SUFU: variants seen among roughly 807,000 people sequenced by gnomAD.
SUFU encodes suppressor of fused homolog.
A neutral mutation model predicts 58.9 loss-of-function variants in SUFU; 7 were observed. The observed-to-expected ratio is 0.12, with a 90% confidence interval of 0.07 to 0.22. SUFU has a LOEUF of 0.22. Among genes scored for constraint, SUFU ranks in the 10% least tolerant of loss-of-function variants. The pLI is 1.00. For missense variants in SUFU, 451 were observed against 641.3 expected (o/e 0.70, Z 3.20); for synonymous variants, 232 against 254.8 (o/e 0.91, Z 0.85).
intron 6 of SUFU, among the ~76,000 whole-genome samples, chr10:102,596,793 A>G (rs1457266132): frequency 6.6e-6 from 1 of 152,190 alleles, no homozygotes; most frequent in East Asian, 1.9e-4. Context: ...TCATGGCCAC[A>G]TCAGCCCCAC....
chr10:102,545,497 T>C (rs540374668), intron 2 of SUFU, among the ~76,000 whole-genome samples: 1 of 152,190 alleles, frequency 6.6e-6, no homozygotes, highest in Non-Finnish European at 1.5e-5. Context: ...GGTGACTCTG[T>C]TTAACTTTTT....
At chr10:102,509,096 A>G in intron 1 of SUFU, 73 bp from the exon 2 acceptor site, 1 of 1,605,346 alleles carries the variant, frequency 6.2e-7, no homozygotes, top group Non-Finnish European at 8.5e-7. Flanking sequence ...AGGTTTACAA[A>G]GTAGAGCGCC....
chr10:102,506,588 AG>A (rs1328737148), intron 1 of SUFU, among the ~76,000 whole-genome samples: 1 of 152,236 alleles, frequency 6.6e-6, no homozygotes, highest in Non-Finnish European at 1.5e-5. Flanking sequence ...CATGTTGGCC[AG>A]GCTGGTCTCG....
chr10:102,537,597 T>C (rs2062756025), intron 2 of SUFU, among the ~76,000 whole-genome samples: 1 of 152,204 alleles, frequency 6.6e-6, no homozygotes, highest in African/African-American at 2.4e-5. Context: ...CACCATCTTA[T>C]TTCTGTCTCT....
In SUFU at chr10:102,572,439, G is replaced by C. The variant is rs536701062; in HGVS notation, c.455-20143G>C. On this transcript the variant is annotated intron_variant, in intron 3 of 11. Coordinates refer to ENST00000369902, the MANE Select transcript of SUFU (RefSeq NM_016169.4). ...GAGTCTCACTCTATTGCCCAGGTTGGAGTGTAGTGGCGCGATCTTGGCTCA... is the reference window on the plus strand; with the variant it reads ...GAGTCTCACTCTATTGCCCAGGTTGCAGTGTAGTGGCGCGATCTTGGCTCA... 3.4e-5 allele frequency among the ~76,000 whole-genome samples: 5 copies of C among 146,878 alleles called. No homozygotes were observed. In the South Asian group the frequency reaches 8.8e-4, roughly 26 times the overall value.
chr10:102,563,056 C>T (rs559739547), intron 3 of SUFU, among the ~76,000 whole-genome samples: 1 of 152,278 alleles, frequency 6.6e-6, no homozygotes, highest in South Asian at 2.1e-4. Context: ...CCTATAGCTG[C>T]TGAGTGGCAA....
chr10:102,588,635 C>T (rs1343319487), intron 3 of SUFU, among the ~76,000 whole-genome samples: 2 of 152,190 alleles, frequency 1.3e-5, no homozygotes, highest in East Asian at 3.9e-4. Flanking sequence ...GTTTTGAATC[C>T]GTTTGTGAAT....
chr10:102,534,205 G>T (rs2062709061), intron 2 of SUFU, among the ~76,000 whole-genome samples: 1 of 152,158 alleles, frequency 6.6e-6, no homozygotes, highest in Admixed American at 6.5e-5. Context: ...GAGGCGGGTG[G>T]ATCACTAGGT....
At chr10:102,623,340 G>T (rs1448490909) in intron 10 of SUFU, among the ~76,000 whole-genome samples, 1 of 152,202 alleles carries the variant, frequency 6.6e-6, no homozygotes, top group African/African-American at 2.4e-5. Flanking sequence ...CCCCACTTGG[G>T]AACCATCTCT....
intron 2 of SUFU, among the ~76,000 whole-genome samples, chr10:102,541,697 CTTTTTTTTTTTTT>C (rs869264798): frequency 3.6e-5 from 2 of 56,094 alleles, no homozygotes; most frequent in Admixed American, 2.9e-4. Context: ...CCGCGCCCGG[CTTTTTTTTTTTTT>C]TTTTTTTTTT....
intron 3 of SUFU, among the ~76,000 whole-genome samples, chr10:102,590,536 C>G (rs2063388520): frequency 6.6e-6 from 1 of 152,080 alleles, no homozygotes; most frequent in South Asian, 2.1e-4. Flanking sequence ...TTTGTATATG[C>G]ATAAAGTATA....
Position 102,617,169 on chromosome 10 carries a change from A to G in SUFU, c.1158-121A>G. ...GTTGATGGGCAGGTGGGCAGCCAGG[A>G]GGGCATGTTACCTGGCCCGCGGACC... On this transcript the variant is annotated intron_variant, in intron 9 of 11. Coordinates refer to ENST00000369902, the MANE Select transcript of SUFU (RefSeq NM_016169.4). The surrounding 1 kb of genome is among the most constrained non-coding windows in gnomAD (Gnocchi z 4.4). 7.8e-7 allele frequency: 1 copy of G among 1,289,090 alleles called. No homozygotes were observed. Among genetic ancestry groups the G allele is most frequent in the Non-Finnish European group, 1.1e-6 (1 of 898,906 alleles). The allele number at this position is 1,289,090 out of a possible 1,614,324, so 79.9% of individuals were successfully genotyped here.
intron 3 of SUFU, among the ~76,000 whole-genome samples, chr10:102,580,804 C>T (rs532648980): frequency 6.6e-6 from 1 of 152,108 alleles, no homozygotes; most frequent in Non-Finnish European, 1.5e-5. Flanking sequence ...GGCTGTGCTA[C>T]ACCCTGTGGC....
intron 8 of SUFU, among the ~76,000 whole-genome samples, chr10:102,606,879 G>A (rs1477376752): frequency 2.0e-5 from 3 of 152,120 alleles, no homozygotes; most frequent in African/African-American, 4.8e-5. Context: ...AGGAGAATCC[G>A]GGGTGAATGG....
chr10:102,558,890 A>G (rs2063007776), intron 3 of SUFU, among the ~76,000 whole-genome samples: 1 of 152,190 alleles, frequency 6.6e-6, no homozygotes. Context: ...GGTTTTGACT[A>G]CAAGTAATAG....
At chr10:102,599,784 C>T (rs1419099075) in intron 8 of SUFU, among the ~76,000 whole-genome samples, 1 of 152,172 alleles carries the variant, frequency 6.6e-6, no homozygotes, top group Admixed American at 6.5e-5. Context: ...TTTACATGAG[C>T]CGTGTGAACA....
Position 102,614,557 on chromosome 10 carries a change from C to CA in SUFU, c.1023-699dup, listed in dbSNP as rs1158727545. Among the ~76,000 whole-genome samples the CA allele has an allele frequency of 6.6e-3, 775 of 116,864 alleles. 6 individuals carry two copies. The highest frequency in any genetic ancestry group is 0.017 in the African/African-American group (536 of 31,562). 76.7% of individuals were successfully genotyped at this position (116,864 alleles called of 152,430 possible). On this transcript the variant is annotated intron_variant, in intron 8 of 11. Coordinates refer to ENST00000369902, the MANE Select transcript of SUFU (RefSeq NM_016169.4). ...TGGGTGACACGGCGAGATGCTATCT[C>CA]AAAAAAAAAAAACGAAACAAAAAAA...
chr10:102,504,425 G>A, intron 1 of SUFU, 91 bp downstream of exon 1: 1 of 1,567,810 alleles, frequency 6.4e-7, no homozygotes, highest in South Asian at 1.2e-5. Context: ...GTGGGAGGAG[G>A]GGTAGAGAAT....
chr10:102,549,931 G>C (rs1254383905), intron 2 of SUFU, 39 bp from the exon 3 acceptor site: 3 of 1,613,460 alleles, frequency 1.9e-6, no homozygotes, highest in Non-Finnish European at 2.5e-6. Context: ...TTTTCCTAAG[G>C]TAATTGAGCT....
Sources: gnomAD v4.1 joint callset for allele counts (sites outside exome capture counted in the v4.1 genomes callset) on GRCh38, gnomAD v4.1.1 for gene constraint, Gnocchi (gnomAD v3.1) non-coding constraint, MANE v1.5 for transcripts, NCBI Gene and HGNC (gene_info 2026-07-23, HGNC 2026-07-21) for gene names.